The following SND1 variants were observed in gnomAD, a reference collection of about 807,000 sequenced individuals.
The protein encoded by SND1 is staphylococcal nuclease domain-containing protein 1.
A neutral mutation model predicts 121.7 loss-of-function variants in SND1; 38 were observed. The observed-to-expected ratio is 0.31, with a 90% CI of 0.24 to 0.41. The LOEUF (loss-of-function observed/expected upper bound fraction) is 0.41. Ranked by LOEUF, SND1 falls within the 10% of genes least tolerant of loss-of-function variation. The pLI is 1.00. For missense variants in SND1, 868 were observed against 1,184.6 expected (o/e 0.73, Z 3.92); for synonymous variants, 401 against 447.4 (o/e 0.90, Z 1.31).
chr7:127,909,957 G>C (rs896783965), intron 14 of SND1, among the ~76,000 whole-genome samples: 1 of 152,128 alleles, frequency 6.6e-6, no homozygotes, highest in Admixed American at 6.5e-5. Context: ...AGACAGGGTT[G>C]GATTTTCTCC....
At chr7:127,652,882 C>G (rs926173317) in intron 1 of SND1, among the ~76,000 whole-genome samples, 1 of 152,156 alleles carries the variant, frequency 6.6e-6, no homozygotes, top group Non-Finnish European at 1.5e-5. Context: ...TTTTCTGTTC[C>G]CACAAACGCT....
At chr7:127,997,443 C>T in intron 16 of SND1, 2 of 327,198 alleles carry the variant, frequency 6.1e-6, no homozygotes, top group Non-Finnish European at 1.2e-5. Flanking sequence ...CCATGCCTCC[C>T]CTAAATATTT....
intron 14 of SND1, among the ~76,000 whole-genome samples, chr7:127,918,202 GTGCC>G (rs1800627616): frequency 6.6e-6 from 1 of 151,496 alleles, no homozygotes; most frequent in African/African-American, 2.4e-5. Flanking sequence ...GGGATTATAA[GTGCC>G]TGCCACCATA....
At chr7:127,910,572 T>C (rs1800433254) in intron 14 of SND1, among the ~76,000 whole-genome samples, 1 of 152,192 alleles carries the variant, frequency 6.6e-6, no homozygotes, top group Non-Finnish European at 1.5e-5. Flanking sequence ...TTTTCTTATA[T>C]GTTTTCTGGC....
chr7:127,763,822 G>A (rs1024368956), intron 10 of SND1, among the ~76,000 whole-genome samples: 1 of 152,008 alleles, frequency 6.6e-6, no homozygotes, highest in Non-Finnish European at 1.5e-5. Context: ...AGGCAGACAT[G>A]GTGGCTAATG....
intron 10 of SND1, among the ~76,000 whole-genome samples, chr7:127,725,617 C>T (rs949772120): frequency 4.6e-5 from 7 of 152,092 alleles, no homozygotes; most frequent in South Asian, 2.1e-4. Context: ...GATGGATGGA[C>T]GGTGGAGGGC....
intron 11 of SND1, among the ~76,000 whole-genome samples, chr7:127,816,610 G>A (rs1798446277): frequency 6.6e-6 from 1 of 151,698 alleles, no homozygotes; most frequent in African/African-American, 2.4e-5. Flanking sequence ...ATGTTAAGAA[G>A]GCCTTAATAC....
At chr7:127,951,331 T>G (rs761473626) in intron 15 of SND1, among the ~76,000 whole-genome samples, 1 of 152,164 alleles carries the variant, frequency 6.6e-6, no homozygotes, top group Non-Finnish European at 1.5e-5. Context: ...GCAGGACAAA[T>G]ATTGCATGAT....
intron 10 of SND1, among the ~76,000 whole-genome samples, chr7:127,748,263 C>T (rs548692731): frequency 2.6e-5 from 4 of 152,290 alleles, no homozygotes; most frequent in South Asian, 4.1e-4. Flanking sequence ...TCCACACAAA[C>T]GGTGATACCA....
At chr7:127,950,450 T>G (rs1801436197) in intron 15 of SND1, among the ~76,000 whole-genome samples, 1 of 152,212 alleles carries the variant, frequency 6.6e-6, no homozygotes, top group South Asian at 2.1e-4. Flanking sequence ...ACACAGCATT[T>G]GTATGATGCA....
intron 15 of SND1, among the ~76,000 whole-genome samples, chr7:127,951,335 G>T (rs1176671597): frequency 6.6e-6 from 1 of 152,182 alleles, no homozygotes; most frequent in Non-Finnish European, 1.5e-5. Flanking sequence ...GACAAATATT[G>T]CATGATTCCA....
intron 16 of SND1, among the ~76,000 whole-genome samples, chr7:128,021,038 T>G (rs1175374975): frequency 6.6e-6 from 1 of 152,166 alleles, no homozygotes; most frequent in African/African-American, 2.4e-5. Flanking sequence ...GTCTCTTCCT[T>G]AGGTTATTTT....
chr7:127,781,691 T>C (rs1249420546), intron 10 of SND1, among the ~76,000 whole-genome samples: 1 of 152,240 alleles, frequency 6.6e-6, no homozygotes, highest in Non-Finnish European at 1.5e-5. Flanking sequence ...TTGCTAACCT[T>C]AGAGCAAATT....
At chr7:128,074,989 GGA>G (rs2117051325) in intron 17 of SND1, among the ~76,000 whole-genome samples, 1 of 152,376 alleles carries the variant, frequency 6.6e-6, no homozygotes, top group East Asian at 1.9e-4. Flanking sequence ...AGGTGACTGT[GGA>G]GCCATGGGAC....
At chr7:127,776,147 G>A (rs1174270118) in intron 10 of SND1, among the ~76,000 whole-genome samples, 1 of 152,204 alleles carries the variant, frequency 6.6e-6, no homozygotes, top group Non-Finnish European at 1.5e-5. Context: ...CAAAAAAGCA[G>A]TTTGTTGAGT....
At chr7:127,702,593 A>G in intron 6 of SND1, 67 bp downstream of exon 6, 4 of 1,271,048 alleles carry the variant, frequency 3.1e-6, no homozygotes, top group Non-Finnish European at 4.6e-6. Flanking sequence ...GGATTCTTCT[A>G]CTTGGGGACT....
chr7:127,678,994 C>T (rs185715253), intron 1 of SND1: 3 of 152,180 alleles, frequency 2.0e-5, no homozygotes, highest in Admixed American at 2.0e-4. Context: ...GCCACTCTGA[C>T]GTAGAGTCCC....
chr7:127,952,338 C>T (rs1014941612), intron 15 of SND1, among the ~76,000 whole-genome samples: 1 of 152,086 alleles, frequency 6.6e-6, no homozygotes, highest in African/African-American at 2.4e-5. Context: ...TGTGCATTTC[C>T]GAGAATCTCC....
chr7:128,044,075 G>C (rs1303708474), intron 16 of SND1, among the ~76,000 whole-genome samples: 2 of 152,188 alleles, frequency 1.3e-5, no homozygotes, highest in Non-Finnish European at 2.9e-5. Flanking sequence ...TGTGGCCCCA[G>C]CCAAGGACTT....
Sources: allele counts gnomAD v4.1 joint callset (sites outside exome capture counted in the v4.1 genomes callset), GRCh38; gene constraint gnomAD v4.1.1; transcripts MANE v1.5; gene names NCBI Gene and HGNC (gene_info 2026-07-23, HGNC 2026-07-21).